The following GABRA3 variants were observed in gnomAD, a reference collection of about 807,000 sequenced individuals.
GABRA3 encodes gamma-aminobutyric acid type A receptor subunit alpha3.
GABRA3 carries 10 observed loss-of-function variants against 30.1 expected under a neutral mutation model. The ratio of observed to expected loss-of-function variants is 0.33; its 90% CI spans 0.20 to 0.56. The LOEUF is 0.56. GABRA3 is among the 20% of genes least tolerant of loss of function. The probability of loss-of-function intolerance (pLI) is 0.89; values close to 1 mark genes in which losing one functional copy is unlikely to be tolerated. For missense variants in GABRA3, 233 were observed against 392.0 expected (o/e 0.59, Z 3.42); for synonymous variants, 151 against 146.8 (o/e 1.03, Z -0.21).
At chrX:152,415,376 T>C (rs1417074657) in intron 1 of GABRA3, among the ~76,000 whole-genome samples, 1 of 111,329 alleles carries the variant, frequency 9.0e-6, no homozygotes, top group Non-Finnish European at 1.9e-5. Context: ...AGTTACACAG[T>C]ATATAATTAC....
chrX:152,316,104 C>T (rs186562824), intron 3 of GABRA3, among the ~76,000 whole-genome samples: 1 of 107,989 alleles, frequency 9.3e-6, no homozygotes, highest in Non-Finnish European at 1.9e-5. Context: ...AGGGTCCTCA[C>T]AGAATCCATT....
chrX:152,356,397 AT>A (rs1401360755), intron 2 of GABRA3, among the ~76,000 whole-genome samples: 2 of 111,730 alleles, frequency 1.8e-5, no homozygotes, highest in Non-Finnish European at 3.8e-5. Context: ...GCAGTAATGG[AT>A]TTTTTTCAAT....
chrX:152,414,106 G>T (rs1031616011), intron 1 of GABRA3, among the ~76,000 whole-genome samples: 4 of 111,406 alleles, frequency 3.6e-5, no homozygotes, highest in African/African-American at 1.3e-4. Flanking sequence ...ACCATAAGAC[G>T]TATCAATGTC....
At chrX:152,320,791 T>C (rs1328125071) in intron 3 of GABRA3, among the ~76,000 whole-genome samples, 3 of 111,721 alleles carry the variant, frequency 2.7e-5, no homozygotes, top group Admixed American at 1.9e-4. Context: ...ATATCCAGCA[T>C]ATCTGCTTTA....
chrX:152,326,678 C>T (rs1002327809), intron 3 of GABRA3, among the ~76,000 whole-genome samples: 65 of 111,450 alleles, frequency 5.8e-4, no homozygotes, highest in Non-Finnish European at 1.1e-3. Context: ...ACCACCAGGC[C>T]TGCCCTAAAA....
chrX:152,278,541 G>T (rs1031818275), intron 4 of GABRA3, among the ~76,000 whole-genome samples: 2 of 111,281 alleles, frequency 1.8e-5, no homozygotes, highest in Non-Finnish European at 3.8e-5. Flanking sequence ...CCAAGTCTTC[G>T]CTATTGTGAA....
chrX:152,246,658 T>A (rs1055162288), intron 5 of GABRA3, among the ~76,000 whole-genome samples: 1 of 111,458 alleles, frequency 9.0e-6, no homozygotes, highest in African/African-American at 3.3e-5. Flanking sequence ...TAATTTGGGA[T>A]TGACTGAGGA....
At chrX:152,256,056 T>A in intron 4 of GABRA3, 58 bp from the exon 5 acceptor site, 3 of 854,756 alleles carry the variant, frequency 3.5e-6, no homozygotes, top group Non-Finnish European at 5.2e-6. Flanking sequence ...GGGCTCATAG[T>A]GCCCTTAGCA....
chrX:152,428,850 CAA>C (rs1360874700), intron 1 of GABRA3, among the ~76,000 whole-genome samples: 3 of 111,668 alleles, frequency 2.7e-5, no homozygotes, highest in Admixed American at 9.5e-5. Context: ...GGTTTTTTCT[CAA>C]GTTAGTCCCA....
In GABRA3 at chrX:152,189,742, G is replaced by T. The variant is rs1406066271; in HGVS notation, c.1131C>A (p.Ala377=). 8.3e-7 allele frequency: 1 copy of T among 1,203,705 alleles called. No individual in the cohort carries two copies. The highest frequency in any genetic ancestry group is 1.1e-6 in the Non-Finnish European group (1 of 890,009). The part of the protein sequence containing the change: ...WAWEGKKVPE[A]LEMKKKTPAA... ...TGCTATATCTCACCTTCATCTCCAGGGCCTCTGGCACCTTCTTGCCTTCCC... is the reference window on the plus strand; with the variant it reads ...TGCTATATCTCACCTTCATCTCCAGTGCCTCTGGCACCTTCTTGCCTTCCC... The change falls in exon 9 of 10, where the codon GCC becomes GCA. Residue 377 remains alanine (A), a synonymous_variant. Transcript: ENST00000370314.
chrX:152,439,839 C>T (rs1930875772), intron 1 of GABRA3, among the ~76,000 whole-genome samples: 1 of 111,647 alleles, frequency 9.0e-6, no homozygotes, highest in South Asian at 3.8e-4. Context: ...GACTACATAC[C>T]AAATGTTTCC....
rs1220876342 is a variant in GABRA3, at chrX:152,197,792, A to G, written c.779-7T>C. The G allele has an allele frequency of 8.4e-7, 1 of 1,194,423 alleles. No individual in the cohort carries two copies. The highest frequency in any genetic ancestry group is 1.1e-6 in the Non-Finnish European group (1 of 884,298). ...GTCATGACGACATATTCTCCTAAAG[A>G]GAGAGTAAAATTAGGCAGTATGTAG... On this transcript the variant is annotated splice_region_variant and splice_polypyrimidine_tract_variant and intron_variant, in intron 7 of 9. Coordinates refer to ENST00000370314, the MANE Select transcript of GABRA3 (RefSeq NM_000808.4).
At chrX:152,432,308 C>T (rs998046741) in intron 1 of GABRA3, among the ~76,000 whole-genome samples, 5 of 111,244 alleles carry the variant, frequency 4.5e-5, no homozygotes, top group Admixed American at 1.9e-4. Flanking sequence ...TGGTGGAACA[C>T]GGTTGCTTCT....
At chrX:152,344,305 AAT>A (rs1940358591) in intron 3 of GABRA3, among the ~76,000 whole-genome samples, 1 of 112,091 alleles carries the variant, frequency 8.9e-6, no homozygotes, top group Admixed American at 9.5e-5. Flanking sequence ...TTTTAATCAA[AAT>A]AGTCTATTGA....
intron 1 of GABRA3, among the ~76,000 whole-genome samples, chrX:152,368,110 T>G (rs958456404): frequency 8.9e-6 from 1 of 111,817 alleles, no homozygotes; most frequent in Non-Finnish European, 1.9e-5. Flanking sequence ...GGCAGATAAT[T>G]TCTTCCCCCT....
chrX:152,233,774 T>C (rs1246216288), intron 5 of GABRA3, among the ~76,000 whole-genome samples: 1 of 103,811 alleles, frequency 9.6e-6, no homozygotes, highest in Non-Finnish European at 2.0e-5. Flanking sequence ...TTATTCACAA[T>C]AGCAAAGACT....
intron 4 of GABRA3, among the ~76,000 whole-genome samples, chrX:152,277,853 C>A (rs1234970220): frequency 8.9e-6 from 1 of 111,802 alleles, no homozygotes; most frequent in Admixed American, 9.5e-5. Context: ...TGAATGGCTT[C>A]AACTCTCTAA....
At chrX:152,395,134 A>T (rs1336173989) in intron 1 of GABRA3, among the ~76,000 whole-genome samples, 2 of 111,318 alleles carry the variant, frequency 1.8e-5, no homozygotes, top group Non-Finnish European at 1.9e-5. Context: ...TCACATGGAC[A>T]TAATGACTCA....
intron 1 of GABRA3, among the ~76,000 whole-genome samples, chrX:152,410,372 G>A (rs910839285): frequency 4.5e-5 from 5 of 111,296 alleles, no homozygotes; most frequent in African/African-American, 1.6e-4. Context: ...AGTGAAATTG[G>A]AATGTTCCTA....
Sources: gnomAD v4.1 joint callset for allele counts (sites outside exome capture counted in the v4.1 genomes callset) on GRCh38, gnomAD v4.1.1 for gene constraint, MANE v1.5 for transcripts, NCBI Gene and HGNC (gene_info 2026-07-23, HGNC 2026-07-21) for gene names.